Variants in RBFOX1 observed in about 807,000 individuals in gnomAD.
RBFOX1 encodes the protein RNA binding fox-1 homolog 1.
In RBFOX1, 8 loss-of-function variants were observed where a neutral mutation model predicts 57.7. That is an observed-to-expected ratio of 0.14 (90% CI 0.08 to 0.25). RBFOX1 has a LOEUF of 0.25. Ranked by LOEUF, RBFOX1 falls within the 10% of genes least tolerant of loss-of-function variation. The pLI is 1.00. For synonymous variants in RBFOX1, 326 were observed against 222.4 expected (o/e 1.47, Z -4.15); for missense variants, 611 against 548.5 (o/e 1.11, Z -1.14).
intron 2 of RBFOX1, among the ~76,000 whole-genome samples, chr16:6,563,482 C>G (rs1412759067): frequency 6.6e-6 from 1 of 151,982 alleles, no homozygotes; most frequent in Admixed American, 6.6e-5. Flanking sequence ...TCCCTAGAGC[C>G]CAGAGTCCCT....
chr16:5,474,372 G>A (rs1309553298), intron 2 of RBFOX1, among the ~76,000 whole-genome samples: 3 of 152,300 alleles, frequency 2.0e-5, no homozygotes, highest in African/African-American at 4.8e-5. Context: ...ACCCCTGGAC[G>A]GCTAGGCGCG....
intron 2 of RBFOX1, among the ~76,000 whole-genome samples, chr16:6,331,093 G>C (rs913729410): frequency 5.3e-5 from 8 of 152,156 alleles, no homozygotes; most frequent in African/African-American, 1.9e-4. Flanking sequence ...AGAAAGTATT[G>C]ATCTGGCTAC....
At chr16:6,243,140 GTGTC>G (rs973952896) in intron 1 of RBFOX1, among the ~76,000 whole-genome samples, 21 of 151,162 alleles carry the variant, frequency 1.4e-4, no homozygotes, top group African/African-American at 4.9e-4. Context: ...ATTTATACGT[GTGTC>G]TGTGTGTGTG....
chr16:6,986,811 G>A (rs1052748854), intron 3 of RBFOX1, among the ~76,000 whole-genome samples: 2 of 152,110 alleles, frequency 1.3e-5, no homozygotes, highest in Admixed American at 6.5e-5. Context: ...CACGCTGTAG[G>A]GCAGGTGCCT....
intron 4 of RBFOX1, among the ~76,000 whole-genome samples, chr16:5,870,923 C>T (rs1477575384): frequency 6.6e-6 from 1 of 151,990 alleles, no homozygotes; most frequent in African/African-American, 2.4e-5. Context: ...ACAAACCCCA[C>T]CTGTGGAGGA....
chr16:6,270,811 C>T (rs2075123506), intron 1 of RBFOX1, among the ~76,000 whole-genome samples: 2 of 152,178 alleles, frequency 1.3e-5, no homozygotes, highest in South Asian at 4.2e-4. Flanking sequence ...GGCCATAAAA[C>T]AAAGTTTAAC....
chr16:5,887,296 G>A (rs1368748774), intron 4 of RBFOX1, among the ~76,000 whole-genome samples: 2 of 152,196 alleles, frequency 1.3e-5, no homozygotes, highest in Non-Finnish European at 2.9e-5. Context: ...CAGCCCCAGT[G>A]AATGTAACAA....
intron 2 of RBFOX1, among the ~76,000 whole-genome samples, chr16:6,486,814 T>C (rs1431147716): frequency 1.3e-5 from 2 of 152,122 alleles, no homozygotes; most frequent in Non-Finnish European, 2.9e-5. Context: ...TTGTGTGTAT[T>C]ATGAGCAGTA....
intron 14 of RBFOX1, among the ~76,000 whole-genome samples, chr16:7,688,221 ATGTGTG>A (rs3029191): frequency 0.02 from 2,461 of 120,814 alleles, 54 homozygotes; most frequent in African/African-American, 0.058. Flanking sequence ...GCAGGTTTAA[ATGTGTG>A]TGTGTGTGTG....
chr16:7,522,057 G>A (rs1268683623), intron 5 of RBFOX1, among the ~76,000 whole-genome samples: 1 of 152,206 alleles, frequency 6.6e-6, no homozygotes, highest in Non-Finnish European at 1.5e-5. Flanking sequence ...TCATTCAGTG[G>A]CTGAGGCTGG....
intron 4 of RBFOX1, among the ~76,000 whole-genome samples, chr16:7,469,966 A>T (rs564860984): frequency 6.6e-6 from 1 of 151,308 alleles, no homozygotes; most frequent in Non-Finnish European, 1.5e-5. Flanking sequence ...TTCTCTTAGC[A>T]TAACGTCTTC....
intron 3 of RBFOX1, among the ~76,000 whole-genome samples, chr16:6,920,545 C>G (rs953121461): frequency 2.0e-5 from 3 of 152,212 alleles, no homozygotes; most frequent in African/African-American, 4.8e-5. Context: ...CAGCTAGTGG[C>G]AGGCTTGAAA....
chr16:6,253,419 C>T (rs1464943863), intron 1 of RBFOX1, among the ~76,000 whole-genome samples: 1 of 152,148 alleles, frequency 6.6e-6, no homozygotes, highest in Non-Finnish European at 1.5e-5. Context: ...CATAGGTAGG[C>T]ACCATTATCC....
At position 6,654,630 on chromosome 16, in the gene RBFOX1, G is replaced by T; in HGVS notation, c.-36G>T. 1.3e-6 allele frequency: 2 copies of T among 1,508,606 alleles called. No homozygotes were observed. The highest frequency in any genetic ancestry group is 1.7e-4 in the Middle Eastern group (1 of 5,934). The allele number at this position is 1,508,606 out of a possible 1,614,324, so 93.5% of individuals were successfully genotyped here. On this transcript the variant is annotated 5_prime_UTR_variant, in exon 3 of 16. Transcript: ENST00000550418. ...TATCAAAGCAGACTGCAATACCTGC[G>T]TGGAAATAGAAGACAGAAAGGTGAG...
intron 3 of RBFOX1, among the ~76,000 whole-genome samples, chr16:6,788,486 T>A (rs914300371): frequency 6.6e-6 from 1 of 151,846 alleles, no homozygotes; most frequent in Non-Finnish European, 1.5e-5. Context: ...TATTTTTTAT[T>A]TTTTTGAGAC....
intron 1 of RBFOX1, among the ~76,000 whole-genome samples, chr16:6,155,988 G>A (rs1055633498): frequency 5.3e-5 from 8 of 152,132 alleles, no homozygotes; most frequent in African/African-American, 1.9e-4. Context: ...CACTCTTCGT[G>A]AGTTAGAACT....
chr16:6,354,591 A>G (rs201461749), intron 2 of RBFOX1, among the ~76,000 whole-genome samples: 5 of 152,044 alleles, frequency 3.3e-5, no homozygotes, highest in Non-Finnish European at 7.4e-5. Flanking sequence ...CCTCTGGCTC[A>G]TTCCCCTTCT....
intron 4 of RBFOX1, among the ~76,000 whole-genome samples, chr16:5,984,892 A>G (rs1279828431): frequency 6.7e-6 from 1 of 150,006 alleles, no homozygotes; most frequent in Non-Finnish European, 1.5e-5. Context: ...AAACATAGAA[A>G]AGGTACAGTA....
intron 3 of RBFOX1, among the ~76,000 whole-genome samples, chr16:5,805,373 T>G (rs1036450321): frequency 6.6e-6 from 1 of 152,212 alleles, no homozygotes; most frequent in Non-Finnish European, 1.5e-5. Flanking sequence ...TTAACTAGTT[T>G]AGAGCCTTGG....
Sources: allele counts gnomAD v4.1 joint callset (sites outside exome capture counted in the v4.1 genomes callset), GRCh38; gene constraint gnomAD v4.1.1; transcripts MANE v1.5; gene names NCBI Gene and HGNC (gene_info 2026-07-23, HGNC 2026-07-21).